The following FBLN2 variants were observed in gnomAD, a reference collection of about 807,000 sequenced individuals.
FBLN2 encodes the protein fibulin 2, also known as fibulin-2.
In FBLN2, 81 loss-of-function variants were observed where a neutral mutation model predicts 123.7. That is an observed-to-expected ratio of 0.65 (90% CI 0.55 to 0.79). The LOEUF (loss-of-function observed/expected upper bound fraction) is 0.79. Among genes scored for constraint, FBLN2 ranks in the 30% least tolerant of loss-of-function variants. FBLN2 has a pLI of 0.00. For synonymous variants in FBLN2, 699 were observed against 701.4 expected, an observed-to-expected ratio of 1.00 and a Z score of 0.05; for missense variants, 1,603 against 1,681.3, an observed-to-expected ratio of 0.95 and a Z score of 0.81.
chr3:13,598,583 C>T (rs1424138764), intron 2 of FBLN2, among the ~76,000 whole-genome samples: 1 of 152,222 alleles, frequency 6.6e-6, no homozygotes, highest in African/African-American at 2.4e-5. Context: ...TCTTTTTACG[C>T]CTCTGGGGCA....
At chr3:13,588,225 C>T (rs1704568397) in intron 2 of FBLN2, among the ~76,000 whole-genome samples, 1 of 152,294 alleles carries the variant, frequency 6.6e-6, no homozygotes, top group African/African-American at 2.4e-5. Flanking sequence ...GTACTCAGTA[C>T]AGTCATGTTC....
intron 5 of FBLN2, among the ~76,000 whole-genome samples, chr3:13,614,893 TATTCATCTATCC>T (rs1705539765): frequency 7.3e-6 from 1 of 137,584 alleles, no homozygotes; most frequent in Non-Finnish European, 1.6e-5. Context: ...TCTGATCATC[TATTCATCTATCC>T]ATCCATCCAT....
chr3:13,578,749 C>A (rs1201046113), intron 2 of FBLN2, among the ~76,000 whole-genome samples: 1 of 152,138 alleles, frequency 6.6e-6, no homozygotes, highest in Admixed American at 6.5e-5. Context: ...CTGTGTTTAA[C>A]CCTTAGAAGA....
At chr3:13,572,822 C>T (rs1704007063) in intron 2 of FBLN2, among the ~76,000 whole-genome samples, 3 of 152,334 alleles carry the variant, frequency 2.0e-5, no homozygotes, top group Admixed American at 2.0e-4. Context: ...CCCCTTCCTG[C>T]TTACTTTAGG....
intron 1 of FBLN2, among the ~76,000 whole-genome samples, chr3:13,553,132 T>C (rs1703370012): frequency 6.6e-6 from 1 of 151,724 alleles, no homozygotes; most frequent in Non-Finnish European, 1.5e-5. Flanking sequence ...TCTTTCAGAG[T>C]GGGGGCTTGG....
intron 2 of FBLN2, among the ~76,000 whole-genome samples, chr3:13,602,898 T>TTTTC (rs1311074372): frequency 6.6e-6 from 1 of 151,884 alleles, no homozygotes; most frequent in Non-Finnish European, 1.5e-5. Context: ...TTTGGCCCTT[T>TTTTC]TTTCTTTCTT....
intron 3 of FBLN2, 127 bp from the exon 4 acceptor site, chr3:13,609,386 C>A: frequency 9.0e-7 from 1 of 1,106,278 alleles, no homozygotes; most frequent in Non-Finnish European, 1.3e-6. Flanking sequence ...TGTGCCGGCT[C>A]TGCCACCTGC....
intron 1 of FBLN2, among the ~76,000 whole-genome samples, chr3:13,565,646 G>A (rs11713019): frequency 0.24 from 36,862 of 152,174 alleles, 4,773 homozygotes; most frequent in South Asian, 0.35. Context: ...TACGTAAAGC[G>A]TTCATCTTTT....
Position 13,571,336 on chromosome 3 carries a change from G to A in FBLN2, c.981G>A (p.Gly327=), listed in dbSNP as rs1257826641. The change falls in exon 2 of 18, where the codon GGG becomes GGA. Residue 327 remains glycine (G), a synonymous_variant. Coordinates refer to ENST00000404922, the MANE Select transcript of FBLN2 (RefSeq NM_001004019.2). The stretch of plus-strand genomic sequence containing the variant: ...TCCAGGAGGAGAGGGCAGAAGCTGG[G>A]GCAAGGGCAGAAGCTGGGGCAAGGC... ...LPIQEERAEA[G]ARAEAGARPE... The A allele has an allele frequency of 4.4e-6, 7 of 1,608,608 alleles. No individual in the cohort carries two copies. The highest frequency in any genetic ancestry group is 3.4e-5 in the Admixed American group (2 of 59,198).
chr3:13,595,172 C>T lies in FBLN2; in HGVS notation c.1307-12890C>T, dbSNP rs571263138. 3.9e-5 allele frequency among the ~76,000 whole-genome samples: 6 copies of T among 152,278 alleles called. No individual in the cohort carries two copies. In the East Asian group the frequency reaches 5.8e-4, roughly 15 times the overall value. On this transcript the variant is annotated intron_variant, in intron 2 of 17. Coordinates refer to ENST00000404922, the MANE Select transcript of FBLN2 (RefSeq NM_001004019.2). ...AGGCAGCTCTGCCAAGCCTGAGATC[C>T]GGCCGGTTGGCTGGACTGGCCAGGC...
At chr3:13,634,545 G>A (rs529153515) in intron 16 of FBLN2, among the ~76,000 whole-genome samples, 24 of 152,386 alleles carry the variant, frequency 1.6e-4, no homozygotes, top group African/African-American at 5.3e-4. Context: ...GCGGGCCACC[G>A]GGGGCATAGG....
At chr3:13,588,411 G>GT (rs1442764611) in intron 2 of FBLN2, among the ~76,000 whole-genome samples, 2 of 152,242 alleles carry the variant, frequency 1.3e-5, no homozygotes, top group African/African-American at 4.8e-5. Flanking sequence ...ATTGTGTGGG[G>GT]TGAAGGGAAA....
intron 5 of FBLN2, among the ~76,000 whole-genome samples, chr3:13,616,539 A>C (rs1705610967): frequency 6.6e-6 from 1 of 152,204 alleles, no homozygotes; most frequent in East Asian, 1.9e-4. Flanking sequence ...GCCTGGAGGC[A>C]CCGGCTGGGA....
intron 1 of FBLN2, 63 bp from the exon 2 acceptor site, chr3:13,570,252 G>A (rs997581749): frequency 1.5e-5 from 22 of 1,432,904 alleles, no homozygotes; most frequent in Admixed American, 1.4e-4. Flanking sequence ...CGTGCGTGCC[G>A]GTGTGCACCG....
chr3:13,549,161 C>CGACGGCCGGGCG lies in FBLN2; in HGVS notation c.-83_-72dup, dbSNP rs1559394346. On this transcript the variant is annotated 5_prime_UTR_variant, in exon 1 of 18. Coordinates refer to ENST00000404922, the MANE Select transcript of FBLN2 (RefSeq NM_001004019.2). ...GGGGCCGCCCGGGCTCTCGACGCGC[C>CGACGGCCGGGCG]GACGGCCGGGCGGACGGACGGACGG... 1.0e-6 allele frequency: 1 copy of CGACGGCCGGGCG among 982,712 alleles called. No individual in the cohort carries two copies. Among genetic ancestry groups the CGACGGCCGGGCG allele is most frequent in the Non-Finnish European group, 1.2e-6 (1 of 828,950 alleles). The allele number at this position is 982,712 out of a possible 1,614,324, so 60.9% of individuals were successfully genotyped here. A position where few individuals can be genotyped will look rare whatever the true frequency, so the allele number is the denominator to read the frequency against.
chr3:13,626,054 C>T (rs1218266871), intron 9 of FBLN2, among the ~76,000 whole-genome samples: 1 of 152,102 alleles, frequency 6.6e-6, no homozygotes, highest in South Asian at 2.1e-4. Flanking sequence ...TCCCGCCCAG[C>T]GCCCCCCGCT....
At position 13,618,300 on chromosome 3, in the gene FBLN2, G is replaced by A. The variant is rs1208363249; in HGVS notation, c.1939+15G>A. ...TTGCCGCCCAGGTAAGGGCCCTGAT[G>A]GCCAGGGCAGGGGCTATGGGAAGGG... On this transcript the variant is annotated intron_variant, in intron 6 of 17. Coordinates refer to ENST00000404922, the MANE Select transcript of FBLN2 (RefSeq NM_001004019.2). 2 of 1,612,554 alleles carry A rather than the reference G, an allele frequency of 1.2e-6. No individual in the cohort carries two copies. Among genetic ancestry groups the A allele is most frequent in the Non-Finnish European group, 1.7e-6 (2 of 1,179,120 alleles).
chr3:13,632,655 C>T (rs1186836752), intron 16 of FBLN2, among the ~76,000 whole-genome samples: 1 of 152,136 alleles, frequency 6.6e-6, no homozygotes, highest in African/African-American at 2.4e-5. Context: ...GGTTCCAGCC[C>T]TTATGTGTGT....
chr3:13,566,466 C>G (rs1053952667), intron 1 of FBLN2: 6 of 152,396 alleles, frequency 3.9e-5, no homozygotes, highest in African/African-American at 1.4e-4. Context: ...ATGCCCCCAC[C>G]TCCCGCCCCA....
Sources: allele counts gnomAD v4.1 joint callset (sites outside exome capture counted in the v4.1 genomes callset), GRCh38; gene constraint gnomAD v4.1.1; transcripts MANE v1.5; gene names NCBI Gene and HGNC (gene_info 2026-07-23, HGNC 2026-07-21).